The following FAM53B variants were observed in gnomAD, a reference collection of about 807,000 sequenced individuals.
FAM53B encodes family with sequence similarity 53 member B, also known as protein FAM53B.
In FAM53B, 12 loss-of-function variants were observed where a neutral mutation model predicts 32.7. The ratio of observed to expected loss-of-function variants is 0.37; its 90% CI spans 0.24 to 0.59. The LOEUF (loss-of-function observed/expected upper bound fraction) is 0.59. FAM53B is among the 20% of genes least tolerant of loss of function. The pLI, the probability that FAM53B is intolerant of heterozygous loss-of-function variation, is 0.72. For missense variants in FAM53B, 477 were observed against 577.7 expected, an observed-to-expected ratio of 0.83 and a Z score of 1.79; for synonymous variants, 234 against 228.7, an observed-to-expected ratio of 1.02 and a Z score of -0.21.
chr10:124,667,321 T>C, intron 4 of FAM53B: 1 of 686,204 alleles, frequency 1.5e-6, no homozygotes, highest in Non-Finnish European at 2.7e-6. Flanking sequence ...AATTTTAAAT[T>C]ATATATGTGG....
At chr10:124,728,033 G>A (rs545643762) in intron 1 of FAM53B, among the ~76,000 whole-genome samples, 2 of 152,298 alleles carry the variant, frequency 1.3e-5, no homozygotes, top group Non-Finnish European at 2.9e-5. Context: ...TCTAAATGAT[G>A]CTGACGATTC....
At position 124,623,084 on chromosome 10, in the gene FAM53B, C is replaced by T; in HGVS notation, c.*158G>A. ...TATGACGCGGCCAGGCCAGGCTCTCCCCCAGGCAGCAGGTGGGCTCCCTCT... is the reference window on the plus strand; with the variant it reads ...TATGACGCGGCCAGGCCAGGCTCTCTCCCAGGCAGCAGGTGGGCTCCCTCT... On this transcript the variant is annotated 3_prime_UTR_variant, in exon 5 of 5. Transcript: ENST00000337318. 1 of 978,720 alleles carries T rather than the reference C, an allele frequency of 1.0e-6. No individual in the cohort carries two copies. Among genetic ancestry groups the T allele is most frequent in the Non-Finnish European group, 1.5e-6 (1 of 670,174 alleles). 60.6% of individuals were successfully genotyped at this position (978,720 alleles called of 1,614,324 possible).
chr10:124,684,744 C>T (rs2885521), intron 3 of FAM53B, among the ~76,000 whole-genome samples: 20,436 of 152,098 alleles, frequency 0.13, 1,582 homozygotes, highest in African/African-American at 0.19. Context: ...GTCTCAAACT[C>T]CTGGCCTCAA....
intron 4 of FAM53B, among the ~76,000 whole-genome samples, chr10:124,649,926 T>C (rs1001500889): frequency 2.0e-5 from 3 of 152,198 alleles, no homozygotes; most frequent in Non-Finnish European, 4.4e-5. Flanking sequence ...ACTGTTCCCA[T>C]TTTTTAGATA....
intron 4 of FAM53B, among the ~76,000 whole-genome samples, chr10:124,635,338 C>T (rs370930677): frequency 7.9e-5 from 12 of 152,136 alleles, no homozygotes; most frequent in African/African-American, 2.4e-4. Context: ...TGATCTGCCT[C>T]GGCCTCCCAA....
intron 4 of FAM53B, among the ~76,000 whole-genome samples, chr10:124,635,671 G>A (rs1330909886): frequency 2.0e-5 from 3 of 152,154 alleles, no homozygotes; most frequent in Non-Finnish European, 2.9e-5. Flanking sequence ...GGCACACGAC[G>A]TGTGACCAAG....
At chr10:124,674,530 C>T (rs913959175) in intron 4 of FAM53B, among the ~76,000 whole-genome samples, 2 of 152,224 alleles carry the variant, frequency 1.3e-5, no homozygotes, top group Non-Finnish European at 2.9e-5. Context: ...GGGCAGGGCT[C>T]CAGGCTGAGG....
chr10:124,630,844 T>A (rs1589730545), intron 4 of FAM53B, among the ~76,000 whole-genome samples: 1 of 152,348 alleles, frequency 6.6e-6, no homozygotes, highest in East Asian at 1.9e-4. Context: ...GCCTGCCACA[T>A]GCCAGCCAGA....
chr10:124,682,439 A>G lies in FAM53B; in HGVS notation c.134-60T>C. 6.9e-7 allele frequency: 1 copy of G among 1,439,482 alleles called. No homozygotes were observed. Among genetic ancestry groups the G allele is most frequent in the African/African-American group, 1.4e-5 (1 of 71,218 alleles). 89.2% of individuals were successfully genotyped at this position (1,439,482 alleles called of 1,614,324 possible). On this transcript the variant is annotated intron_variant, in intron 3 of 4. Coordinates refer to ENST00000337318, the MANE Select transcript of FAM53B (RefSeq NM_014661.4). This position sits in a 1 kb window ranked among gnomAD's most constrained non-coding sequence, Gnocchi z 5.2. ...GAGAAGACCTTCACTCCAGCCCTTT[A>G]TTATCTCCACACCAACAGCCCGTTT...
Position 124,681,759 on chromosome 10 carries a change from A to G in FAM53B, c.754T>C (p.Ser252Pro). The G allele has an allele frequency of 2.5e-6, 4 of 1,609,428 alleles. No individual in the cohort carries two copies. Among genetic ancestry groups the G allele is most frequent in the Non-Finnish European group, 3.4e-6 (4 of 1,177,936 alleles). The change falls in exon 4 of 5, where the codon TCA becomes CCA. Residue 252 changes from serine (S) to proline (P), a missense_variant. Ser to Pro is a moderately conservative substitution (Grantham distance 74, BLOSUM62 -1). Coordinates refer to ENST00000337318, the MANE Select transcript of FAM53B (RefSeq NM_014661.4). The part of the protein sequence containing the change: ...CPPSANSTPA[S>P]TPELARRSSG... ...GAGCGTCTCGCCAGCTCTGGTGTTG[A>G]GGCAGGTGTGCTGTTGGCTGAGGGA...
intron 4 of FAM53B, among the ~76,000 whole-genome samples, chr10:124,656,225 G>T (rs761332143): frequency 6.6e-6 from 1 of 152,246 alleles, no homozygotes; most frequent in East Asian, 1.9e-4. Context: ...ACCAAGAGGC[G>T]TCTAGGTTTG....
At chr10:124,675,250 C>A (rs566753652) in intron 4 of FAM53B, among the ~76,000 whole-genome samples, 2 of 152,032 alleles carry the variant, frequency 1.3e-5, no homozygotes, top group African/African-American at 4.8e-5. Flanking sequence ...AGCAACACTC[C>A]GTCAAAAGAA....
chr10:124,735,414 C>G lies in FAM53B; in HGVS notation c.-175+8599G>C, dbSNP rs1202973638. ...GAGAGAAAACTTAGATTTCACCAGT[C>G]TCAACTCTTGGTAACAGACACACTG... On this transcript the variant is annotated intron_variant, in intron 1 of 4. Transcript: ENST00000337318. Among the ~76,000 whole-genome samples the G allele has an allele frequency of 3.3e-5, 5 of 152,206 alleles. No homozygotes were observed. In the East Asian group the frequency reaches 9.6e-4, roughly 29 times the overall value.
intron 4 of FAM53B, among the ~76,000 whole-genome samples, chr10:124,632,099 G>A (rs1476746416): frequency 6.6e-6 from 1 of 152,202 alleles, no homozygotes; most frequent in Non-Finnish European, 1.5e-5. Context: ...TGGAGGCCCA[G>A]AGCCACGCGT....
chr10:124,682,451 C>A lies in FAM53B; in HGVS notation c.134-72G>T, dbSNP rs1949779736. 1.5e-6 allele frequency: 2 copies of A among 1,337,782 alleles called. No homozygotes were observed. The highest frequency in any genetic ancestry group is 2.0e-6 in the Non-Finnish European group (2 of 981,338). The allele number at this position is 1,337,782 out of a possible 1,614,324, so 82.9% of individuals were successfully genotyped here. ...ACTCCAGCCCTTTATTATCTCCACACCAACAGCCCGTTTCAAACACAGTAT... is the reference window on the plus strand; with the variant it reads ...ACTCCAGCCCTTTATTATCTCCACAACAACAGCCCGTTTCAAACACAGTAT... On this transcript the variant is annotated intron_variant, in intron 3 of 4. Transcript: ENST00000337318. This position sits in a 1 kb window ranked among gnomAD's most constrained non-coding sequence, Gnocchi z 5.2.
chr10:124,743,877 G>T (rs952555508), intron 1 of FAM53B, 136 bp downstream of exon 1: 1 of 145,532 alleles, frequency 6.9e-6, no homozygotes, highest in Non-Finnish European at 1.5e-5. Context: ...TAGGAAAAAA[G>T]AAAAAAAAAA....
chr10:124,685,638 A>T (rs987507207), intron 3 of FAM53B, among the ~76,000 whole-genome samples: 7 of 152,180 alleles, frequency 4.6e-5, no homozygotes, highest in African/African-American at 1.7e-4. Context: ...AAAGGAGTTG[A>T]TCCCACTCTC....
At chr10:124,647,122 G>A (rs1051698950) in intron 4 of FAM53B, among the ~76,000 whole-genome samples, 5 of 152,216 alleles carry the variant, frequency 3.3e-5, no homozygotes, top group East Asian at 1.9e-4. Context: ...GCGAGGCATC[G>A]GGGCCGCATG....
intron 3 of FAM53B, among the ~76,000 whole-genome samples, chr10:124,687,075 G>A (rs1180160587): frequency 6.6e-6 from 1 of 152,226 alleles, no homozygotes; most frequent in Non-Finnish European, 1.5e-5. Context: ...TACAATACGA[G>A]AAAAGTAAAA....
Sources: gnomAD v4.1 joint callset for allele counts (sites outside exome capture counted in the v4.1 genomes callset) on GRCh38, gnomAD v4.1.1 for gene constraint, Gnocchi (gnomAD v3.1) non-coding constraint, MANE v1.5 for transcripts, NCBI Gene and HGNC (gene_info 2026-07-23, HGNC 2026-07-21) for gene names.